The following TSC22D1 variants were observed in gnomAD, a reference collection of about 807,000 sequenced individuals.
TSC22D1 encodes TSC22 domain family member 1, also known as TSC22 domain family protein 1.
Under a neutral mutation model 74.2 loss-of-function variants are expected in TSC22D1, and 9 were observed. That is an observed-to-expected ratio of 0.12 (90% CI 0.07 to 0.21). The LOEUF (loss-of-function observed/expected upper bound fraction) is 0.21. TSC22D1 is among the 10% of genes least tolerant of loss of function. TSC22D1 has a pLI of 1.00. For synonymous variants in TSC22D1, 586 were observed against 492.5 expected (o/e 1.19, Z -2.51); for missense variants, 1,427 against 1,304.7 (o/e 1.09, Z -1.44).
At chr13:44,525,855 T>C (rs375735190) in intron 1 of TSC22D1, among the ~76,000 whole-genome samples, 2 of 150,636 alleles carry the variant, frequency 1.3e-5, no homozygotes, top group African/African-American at 4.9e-5. Context: ...AATCCCAGCA[T>C]TTTGGGAGGC....
intron 1 of TSC22D1, among the ~76,000 whole-genome samples, chr13:44,545,992 T>A (rs1202958715): frequency 6.6e-6 from 1 of 150,784 alleles, no homozygotes; most frequent in African/African-American, 2.4e-5. Flanking sequence ...AAAAAATAAA[T>A]AAATAAAAAT....
At chr13:44,440,275 A>C (rs979183368) in intron 1 of TSC22D1, among the ~76,000 whole-genome samples, 6 of 152,230 alleles carry the variant, frequency 3.9e-5, no homozygotes, top group African/African-American at 1.4e-4. Context: ...AAAAGCTTCC[A>C]AAAGAGTAGA....
chr13:44,455,640 T>A (rs1006992097), intron 1 of TSC22D1, among the ~76,000 whole-genome samples: 2 of 152,214 alleles, frequency 1.3e-5, no homozygotes. Context: ...GTCTACAAAA[T>A]TTAAGCACTA....
intron 1 of TSC22D1, among the ~76,000 whole-genome samples, chr13:44,449,024 A>T (rs1412839564): frequency 1.6e-4 from 25 of 152,194 alleles, no homozygotes; most frequent in African/African-American, 6.0e-4. Flanking sequence ...ACAGATTAAG[A>T]AACAAGCTGG....
chr13:44,544,806 T>C (rs1014334189), intron 1 of TSC22D1, among the ~76,000 whole-genome samples: 1 of 152,090 alleles, frequency 6.6e-6, no homozygotes, highest in Non-Finnish European at 1.5e-5. Flanking sequence ...GATATAAATA[T>C]CAAGTATTTG....
intron 1 of TSC22D1, among the ~76,000 whole-genome samples, chr13:44,516,645 T>A (rs1170562470): frequency 6.6e-6 from 1 of 152,196 alleles, no homozygotes; most frequent in East Asian, 1.9e-4. Context: ...CTACCTTTGT[T>A]AAAATTAGCA....
At chr13:44,532,498 G>A (rs1442591314) in intron 1 of TSC22D1, among the ~76,000 whole-genome samples, 1 of 152,072 alleles carries the variant, frequency 6.6e-6, no homozygotes, top group Non-Finnish European at 1.5e-5. Flanking sequence ...TTTTGAGACG[G>A]AGTCTTGCTC....
At chr13:44,455,724 G>C (rs922917688) in intron 1 of TSC22D1, among the ~76,000 whole-genome samples, 1 of 152,056 alleles carries the variant, frequency 6.6e-6, no homozygotes, top group Non-Finnish European at 1.5e-5. Context: ...AATCGCATAG[G>C]GAATCTATTA....
intron 1 of TSC22D1, among the ~76,000 whole-genome samples, chr13:44,518,390 T>TA (rs1880154351): frequency 6.6e-6 from 1 of 152,158 alleles, no homozygotes; most frequent in African/African-American, 2.4e-5. Context: ...AGTATCTAGC[T>TA]AGCAAAGTAT....
At chr13:44,524,141 G>A (rs921433983) in intron 1 of TSC22D1, among the ~76,000 whole-genome samples, 1 of 152,056 alleles carries the variant, frequency 6.6e-6, no homozygotes, top group Non-Finnish European at 1.5e-5. Flanking sequence ...GGTTTAAAAA[G>A]CTCCTAGTAG....
In TSC22D1 at chr13:44,434,196, G is replaced by C. The variant is rs529626837; in HGVS notation, c.*430C>G. On this transcript the variant is annotated 3_prime_UTR_variant, in exon 3 of 3. Transcript: ENST00000458659. ...TTTACCCTCCTTTCAAGTTCCTCCT[G>C]GGGGGAGGAGAGGAGAGAGGCGAGT... 3.4e-6 allele frequency: 5 copies of C among 1,454,672 alleles called. No individual in the cohort carries two copies. The highest frequency in any genetic ancestry group is 4.5e-6 in the Non-Finnish European group (5 of 1,117,544). The allele number at this position is 1,454,672 out of a possible 1,614,324, so 90.1% of individuals were successfully genotyped here.
intron 1 of TSC22D1, chr13:44,539,342 C>T: frequency 1.0e-6 from 1 of 984,764 alleles, no homozygotes; most frequent in Non-Finnish European, 1.2e-6. Context: ...AAGGTTCTCA[C>T]TAACAGTGTA....
rs769512478 is a variant in TSC22D1, at chr13:44,575,493, G to C, written c.582C>G (p.Pro194=). ...ETPGAVSPNQ[P]HLPQPHLPHL... ...GAGGCAAATGAGGCTGAGGAAGGTG[G>C]GGCTGGTTGGGAGAGACTGCCCCAG... The change falls in exon 1 of 3, where the codon CCC becomes CCG. Residue 194 remains proline, a synonymous_variant. Coordinates refer to ENST00000458659, the MANE Select transcript of TSC22D1 (RefSeq NM_183422.4). 1 of 1,614,018 alleles carries C rather than the reference G, an allele frequency of 6.2e-7. No homozygotes were observed. Among genetic ancestry groups the C allele is most frequent in the Non-Finnish European group, 8.5e-7 (1 of 1,180,032 alleles).
At chr13:44,517,802 C>CATATATAT (rs1880082449) in intron 1 of TSC22D1, among the ~76,000 whole-genome samples, 2 of 89,862 alleles carry the variant, frequency 2.2e-5, no homozygotes, top group Non-Finnish European at 4.3e-5. Flanking sequence ...TATATATACA[C>CATATATAT]ACATATATAT....
At chr13:44,486,530 A>G (rs757780596) in intron 1 of TSC22D1, among the ~76,000 whole-genome samples, 4 of 152,196 alleles carry the variant, frequency 2.6e-5, no homozygotes, top group Non-Finnish European at 5.9e-5. Flanking sequence ...AATAATCTCT[A>G]TATTACTGTT....
intron 1 of TSC22D1, among the ~76,000 whole-genome samples, chr13:44,450,044 G>A (rs1875995404): frequency 6.6e-6 from 1 of 152,172 alleles, no homozygotes. Flanking sequence ...TAATTTGAGT[G>A]TATATAAAAA....
At chr13:44,462,561 C>T (rs1424150650) in intron 1 of TSC22D1, among the ~76,000 whole-genome samples, 1 of 152,168 alleles carries the variant, frequency 6.6e-6, no homozygotes, top group African/African-American at 2.4e-5. Flanking sequence ...AAACCATTTA[C>T]AAGCCTACAA....
intron 1 of TSC22D1, among the ~76,000 whole-genome samples, chr13:44,451,037 G>A (rs1319343953): frequency 6.6e-6 from 1 of 152,202 alleles, no homozygotes; most frequent in Non-Finnish European, 1.5e-5. Flanking sequence ...ACCCAACAAG[G>A]AGACCAAGAC....
chr13:44,491,582 G>C (rs1470606325), intron 1 of TSC22D1, among the ~76,000 whole-genome samples: 1 of 149,622 alleles, frequency 6.7e-6, no homozygotes, highest in Non-Finnish European at 1.5e-5. Context: ...AAAAAGAAAA[G>C]ATTAGTATCC....
Sources: gnomAD v4.1 joint callset for allele counts (sites outside exome capture counted in the v4.1 genomes callset) on GRCh38, gnomAD v4.1.1 for gene constraint, MANE v1.5 for transcripts, NCBI Gene and HGNC (gene_info 2026-07-23, HGNC 2026-07-21) for gene names.